The following P4HA1 variants were observed in gnomAD, a reference collection of about 807,000 sequenced individuals.
The protein encoded by P4HA1 is prolyl 4-hydroxylase subunit alpha 1.
Under a neutral mutation model 72.8 loss-of-function variants are expected in P4HA1, and 24 were observed. That is an observed-to-expected ratio of 0.33 (90% confidence interval 0.24 to 0.46). The LOEUF (loss-of-function observed/expected upper bound fraction) is 0.46, where lower values mean the gene tolerates loss of function less well. Ranked by LOEUF, P4HA1 falls within the 20% of genes least tolerant of loss-of-function variation. The probability of loss-of-function intolerance (pLI) is 1.00; values close to 1 mark genes in which losing one functional copy is unlikely to be tolerated. For synonymous variants in P4HA1, 201 were observed against 218.8 expected, an observed-to-expected ratio of 0.92 and a Z score of 0.72; for missense variants, 446 against 640.6, an observed-to-expected ratio of 0.70 and a Z score of 3.28.
At chr10:73,068,736 T>A in intron 5 of P4HA1, 110 bp downstream of exon 5, 1 of 900,932 alleles carries the variant, frequency 1.1e-6, no homozygotes, top group East Asian at 2.5e-5. Flanking sequence ...TGAAACAAAC[T>A]ACAATTTAAA....
At chr10:73,032,222 A>G (rs1383380962) in intron 9 of P4HA1, among the ~76,000 whole-genome samples, 1 of 152,108 alleles carries the variant, frequency 6.6e-6, no homozygotes, top group Non-Finnish European at 1.5e-5. Flanking sequence ...ATTTCCCCAA[A>G]TCTGTACATC....
At chr10:73,085,287 T>C (rs1042540152) in intron 1 of P4HA1, among the ~76,000 whole-genome samples, 1 of 152,202 alleles carries the variant, frequency 6.6e-6, no homozygotes, top group Admixed American at 6.5e-5. Context: ...ACTGCTGTGC[T>C]TCAAGAAAGC....
At chr10:73,052,762 C>T (rs1195739389) in intron 6 of P4HA1, among the ~76,000 whole-genome samples, 2 of 152,128 alleles carry the variant, frequency 1.3e-5, no homozygotes, top group Non-Finnish European at 2.9e-5. Context: ...AACTTATTAT[C>T]ATACAAATTC....
chr10:73,012,872 T>G (rs1589570642), intron 12 of P4HA1, among the ~76,000 whole-genome samples: 1 of 152,188 alleles, frequency 6.6e-6, no homozygotes, highest in Non-Finnish European at 1.5e-5. Flanking sequence ...CTCGGCTCAC[T>G]GCAACCTCTG....
chr10:73,084,318 G>A (rs912594037), intron 1 of P4HA1, among the ~76,000 whole-genome samples: 2 of 152,150 alleles, frequency 1.3e-5, no homozygotes, highest in Non-Finnish European at 2.9e-5. Context: ...ATTGTTTGGG[G>A]GTCTGGCTTT....
Position 73,053,481 on chromosome 10 carries a change from T to C in P4HA1, c.573A>G (p.Leu191=). The change falls in exon 6 of 15, where the codon CTA becomes CTG. Residue 191 remains leucine, a synonymous_variant. Coordinates refer to ENST00000394890, the MANE Select transcript of P4HA1 (RefSeq NM_001017962.3). Reference sequence around the variant, plus strand: ...AAATCTCGCCTTCATCCAGTTGCCTTAGGGCTTGTTCCATCCACAGTTCCG... The same window carrying C: ...AAATCTCGCCTTCATCCAGTTGCCTCAGGGCTTGTTCCATCCACAGTTCCG... ...YHTELWMEQA[L]RQLDEGEIST... is the part of the protein sequence containing the mutation. 6.2e-7 allele frequency: 1 copy of C among 1,614,156 alleles called. No homozygotes were observed. The highest frequency in any genetic ancestry group is 1.7e-5 in the Admixed American group (1 of 60,022).
intron 1 of P4HA1, among the ~76,000 whole-genome samples, chr10:73,093,929 T>C (rs561759926): frequency 1.7e-3 from 177 of 104,598 alleles, no homozygotes; most frequent in South Asian, 4.1e-3. Context: ...CACACACACA[T>C]ACTCATTTTA....
intron 5 of P4HA1, among the ~76,000 whole-genome samples, chr10:73,058,774 C>CTT (rs151028824): frequency 8.7e-4 from 108 of 123,808 alleles, no homozygotes; most frequent in African/African-American, 1.1e-3. Flanking sequence ...TTATAGTATG[C>CTT]TTTTTTTTTT....
At chr10:73,070,070 A>T (rs938304551) in intron 4 of P4HA1, among the ~76,000 whole-genome samples, 1 of 150,408 alleles carries the variant, frequency 6.6e-6, no homozygotes, top group Non-Finnish European at 1.5e-5. Flanking sequence ...TTGGTCTCCC[A>T]AAGTGCTGGG....
At chr10:73,009,075 C>A (rs1839855518) in intron 14 of P4HA1, among the ~76,000 whole-genome samples, 1 of 152,146 alleles carries the variant, frequency 6.6e-6, no homozygotes, top group Admixed American at 6.6e-5. Context: ...CACCAACTAG[C>A]CTCTCCTCAT....
intron 9 of P4HA1, among the ~76,000 whole-genome samples, chr10:73,037,649 A>C (rs1840630298): frequency 6.9e-6 from 1 of 144,024 alleles, no homozygotes; most frequent in Non-Finnish European, 1.5e-5. Context: ...AAAATTTCCA[A>C]TAATTCTTCT....
chr10:73,014,436 A>AAC, intron 11 of P4HA1, 147 bp from the exon 12 acceptor site: 1 of 614,644 alleles, frequency 1.6e-6, no homozygotes, highest in South Asian at 2.0e-5. Flanking sequence ...GTGCACTATA[A>AAC]ACATCAGGCA....
chr10:73,085,629 C>T (rs949665397), intron 1 of P4HA1, among the ~76,000 whole-genome samples: 10 of 152,046 alleles, frequency 6.6e-5, no homozygotes, highest in African/African-American at 2.4e-4. Flanking sequence ...GTGATCTGCC[C>T]ACCTCAGCCT....
At chr10:73,019,576 A>G (rs1279638873) in intron 10 of P4HA1, among the ~76,000 whole-genome samples, 1 of 152,016 alleles carries the variant, frequency 6.6e-6, no homozygotes, top group Non-Finnish European at 1.5e-5. Flanking sequence ...AGATATCATA[A>G]AAAAGAACCA....
At chr10:73,023,846 T>C (rs1338756612) in intron 10 of P4HA1, among the ~76,000 whole-genome samples, 1 of 149,072 alleles carries the variant, frequency 6.7e-6, no homozygotes, top group East Asian at 1.9e-4. Context: ...AATCCTAGTC[T>C]CTGATCAAAC....
chr10:73,092,971 T>G (rs1276200811), intron 1 of P4HA1, among the ~76,000 whole-genome samples: 1 of 151,604 alleles, frequency 6.6e-6, no homozygotes, highest in African/African-American at 2.4e-5. Context: ...ATTAAAAAAT[T>G]AGCTAGACAT....
At position 73,048,513 on chromosome 10, in the gene P4HA1, C is replaced by T. The variant is rs371541378; in HGVS notation, c.901-1412G>A. Among the ~76,000 whole-genome samples the T allele has an allele frequency of 3.0e-4, 45 of 152,288 alleles. No individual in the cohort carries two copies. In the East Asian group the frequency reaches 8.5e-3, roughly 29 times the overall value. ...CTCCTGACCTCAGGTGATCCACCCACCTTGGCCTCCCAAAGTGCTGAGATT... is the reference window on the plus strand; with the variant it reads ...CTCCTGACCTCAGGTGATCCACCCATCTTGGCCTCCCAAAGTGCTGAGATT... On this transcript the variant is annotated intron_variant, in intron 7 of 14. Transcript: ENST00000394890.
At chr10:73,034,631 A>G (rs1423409133) in intron 9 of P4HA1, among the ~76,000 whole-genome samples, 1 of 143,510 alleles carries the variant, frequency 7.0e-6, no homozygotes, top group Non-Finnish European at 1.5e-5. Flanking sequence ...CCAGTTGCCC[A>G]GGCTGGAGTG....
At chr10:73,033,019 T>C (rs1253184765) in intron 9 of P4HA1, among the ~76,000 whole-genome samples, 1 of 152,192 alleles carries the variant, frequency 6.6e-6, no homozygotes, top group African/African-American at 2.4e-5. Context: ...CAAAGTGTTA[T>C]TGTTGTAAAG....
Sources: gnomAD v4.1 joint callset for allele counts (sites outside exome capture counted in the v4.1 genomes callset) on GRCh38, gnomAD v4.1.1 for gene constraint, MANE v1.5 for transcripts, NCBI Gene and HGNC (gene_info 2026-07-23, HGNC 2026-07-21) for gene names.